Variants in SPATA16 observed in about 807,000 individuals in gnomAD.
SPATA16 encodes spermatogenesis associated 16.
SPATA16 carries 36 observed loss-of-function variants against 63.3 expected under a neutral mutation model. The observed-to-expected ratio is 0.57, with a 90% CI of 0.44 to 0.75. The LOEUF (loss-of-function observed/expected upper bound fraction) is 0.75, where lower values mean the gene tolerates loss of function less well. SPATA16 is among the 30% of genes least tolerant of loss of function. The probability of loss-of-function intolerance (pLI) is 0.00; values close to 1 mark genes in which losing one functional copy is unlikely to be tolerated. For missense variants in SPATA16, 646 were observed against 679.3 expected, an observed-to-expected ratio of 0.95 and a Z score of 0.54; for synonymous variants, 203 against 216.7, an observed-to-expected ratio of 0.94 and a Z score of 0.56.
intron 3 of SPATA16, among the ~76,000 whole-genome samples, chr3:173,030,369 TTTGAG>T (rs1309399869): frequency 6.6e-6 from 1 of 152,020 alleles, no homozygotes; most frequent in African/African-American, 2.4e-5. Context: ...AAGAAACTTC[TTTGAG>T]TTAACAACAA....
At chr3:172,965,180 C>G (rs1305185597) in intron 5 of SPATA16, among the ~76,000 whole-genome samples, 3 of 152,070 alleles carry the variant, frequency 2.0e-5, no homozygotes, top group African/African-American at 7.3e-5. Flanking sequence ...AAAACTTAGT[C>G]TGTAAAGAGC....
chr3:172,932,246 A>G (rs989058856), intron 6 of SPATA16, among the ~76,000 whole-genome samples: 1 of 152,180 alleles, frequency 6.6e-6, no homozygotes, highest in African/African-American at 2.4e-5. Flanking sequence ...AAAAAGAAAA[A>G]TCATAGAGAT....
intron 3 of SPATA16, among the ~76,000 whole-genome samples, chr3:173,046,045 A>G (rs896336078): frequency 6.6e-6 from 1 of 152,092 alleles, no homozygotes. Flanking sequence ...ACAAAAGGTG[A>G]TATGTATCAT....
chr3:172,942,566 T>C (rs1320720837), intron 6 of SPATA16, among the ~76,000 whole-genome samples: 1 of 152,136 alleles, frequency 6.6e-6, no homozygotes, highest in Non-Finnish European at 1.5e-5. Flanking sequence ...ATTATAAGAA[T>C]AATTGACAAA....
intron 3 of SPATA16, among the ~76,000 whole-genome samples, chr3:173,027,077 T>C (rs965943636): frequency 3.3e-5 from 5 of 151,948 alleles, no homozygotes; most frequent in African/African-American, 1.2e-4. Flanking sequence ...TAAGGCTTTA[T>C]TTAATTTCTT....
intron 5 of SPATA16, among the ~76,000 whole-genome samples, chr3:172,961,945 T>G (rs1336275013): frequency 1.3e-5 from 2 of 152,030 alleles, no homozygotes; most frequent in Non-Finnish European, 2.9e-5. Flanking sequence ...TTTCTTTTCC[T>G]GTCAGCTGCC....
intron 4 of SPATA16, among the ~76,000 whole-genome samples, chr3:173,018,857 G>T (rs527444128): frequency 1.2e-4 from 19 of 152,200 alleles, no homozygotes; most frequent in Admixed American, 2.0e-4. Context: ...GAGGAGTCTT[G>T]TGAGCTAATC....
intron 4 of SPATA16, among the ~76,000 whole-genome samples, chr3:172,979,371 G>A (rs747728271): frequency 1.2e-4 from 18 of 152,192 alleles, no homozygotes; most frequent in Admixed American, 7.2e-4. Flanking sequence ...GCAGAGTCCA[G>A]TAACTAAACT....
intron 9 of SPATA16, 69 bp downstream of exon 9, chr3:172,916,248 T>TTTA: frequency 6.5e-7 from 1 of 1,538,980 alleles, no homozygotes; most frequent in Non-Finnish European, 8.9e-7. Flanking sequence ...TTTTTTTTTT[T>TTTA]CCCCAGACCA....
chr3:173,032,524 C>T (rs373392850), intron 3 of SPATA16, among the ~76,000 whole-genome samples: 1 of 152,032 alleles, frequency 6.6e-6, no homozygotes, highest in African/African-American at 2.4e-5. Flanking sequence ...TCAAATAATA[C>T]ATTTAATGGA....
At chr3:172,890,027 ATC>A (rs1484752105) in intron 10 of SPATA16, among the ~76,000 whole-genome samples, 1 of 152,182 alleles carries the variant, frequency 6.6e-6, no homozygotes, top group African/African-American at 2.4e-5. Flanking sequence ...TAAAAGATTA[ATC>A]CATGGCAAGC....
chr3:173,019,117 T>C (rs926584723), intron 4 of SPATA16, among the ~76,000 whole-genome samples: 1 of 152,206 alleles, frequency 6.6e-6, no homozygotes, highest in Non-Finnish European at 1.5e-5. Flanking sequence ...AGGATCTTTT[T>C]CACGTGATTG....
Position 173,097,115 on chromosome 3 carries a change from C to T in SPATA16, c.612+20005G>A, listed in dbSNP as rs564338346. ...TATTGTGTGTAATGAAATCTCATACCGTTTTGCCTTATCATTCCTGGGATG... is the reference window on the plus strand; with the variant it reads ...TATTGTGTGTAATGAAATCTCATACTGTTTTGCCTTATCATTCCTGGGATG... On this transcript the variant is annotated intron_variant, in intron 2 of 10. Transcript: ENST00000351008. 5.3e-5 allele frequency among the ~76,000 whole-genome samples: 8 copies of T among 152,028 alleles called. No homozygotes were observed. In the South Asian group the frequency reaches 1.0e-3, roughly 20 times the overall value.
At chr3:172,944,083 T>A (rs763227348) in intron 6 of SPATA16, among the ~76,000 whole-genome samples, 2 of 152,150 alleles carry the variant, frequency 1.3e-5, no homozygotes, top group Non-Finnish European at 2.9e-5. Flanking sequence ...ACCTATAGAA[T>A]GGGAGGAAAT....
At chr3:173,043,137 A>G (rs1184318913) in intron 3 of SPATA16, among the ~76,000 whole-genome samples, 2 of 152,096 alleles carry the variant, frequency 1.3e-5, no homozygotes, top group Non-Finnish European at 2.9e-5. Flanking sequence ...GGAATTTTCA[A>G]TCAATGTACA....
intron 8 of SPATA16, among the ~76,000 whole-genome samples, chr3:172,921,853 GAC>G (rs1256184183): frequency 6.6e-6 from 1 of 152,200 alleles, no homozygotes; most frequent in Non-Finnish European, 1.5e-5. Flanking sequence ...GAGGTTAAGT[GAC>G]TTGCCCTAGG....
At chr3:173,087,377 G>A (rs996408923) in intron 2 of SPATA16, among the ~76,000 whole-genome samples, 1 of 152,066 alleles carries the variant, frequency 6.6e-6, no homozygotes, top group Non-Finnish European at 1.5e-5. Context: ...CATTTGCTTG[G>A]TAAAGTTTCC....
chr3:173,061,667 G>A (rs1187493961), intron 2 of SPATA16, among the ~76,000 whole-genome samples: 1 of 151,618 alleles, frequency 6.6e-6, no homozygotes, highest in Non-Finnish European at 1.5e-5. Flanking sequence ...TAACAGGGTG[G>A]AAAGAAGCTC....
chr3:173,013,052 A>G (rs992213897), intron 4 of SPATA16, among the ~76,000 whole-genome samples: 2 of 152,192 alleles, frequency 1.3e-5, no homozygotes, highest in African/African-American at 2.4e-5. Context: ...ATTTATAAGG[A>G]ACTTAAGCAA....
Sources: allele counts gnomAD v4.1 joint callset (sites outside exome capture counted in the v4.1 genomes callset), GRCh38; gene constraint gnomAD v4.1.1; transcripts MANE v1.5; gene names NCBI Gene and HGNC (gene_info 2026-07-23, HGNC 2026-07-21).